PTCHD4: variants seen among roughly 807,000 people sequenced by gnomAD.
The protein encoded by PTCHD4 is patched domain containing 4.
A neutral mutation model predicts 58.1 loss-of-function variants in PTCHD4; 33 were observed. The observed-to-expected ratio is 0.57, with a 90% CI of 0.43 to 0.76. The LOEUF is 0.76. Ranked by LOEUF, PTCHD4 falls within the 30% of genes least tolerant of loss-of-function variation. The pLI is 0.00. For missense variants in PTCHD4, 1,058 were observed against 1,027.1 expected, an observed-to-expected ratio of 1.03 and a Z score of -0.41; for synonymous variants, 478 against 409.6, an observed-to-expected ratio of 1.17 and a Z score of -2.02.
At position 47,878,719 on chromosome 6, in the gene PTCHD4, C is replaced by T. The variant is rs779059101; in HGVS notation, c.2116G>A (p.Asp706Asn). 4 of 1,613,396 alleles carry T rather than the reference C, an allele frequency of 2.5e-6. No homozygotes were observed. The highest frequency in any genetic ancestry group is 3.4e-6 in the Non-Finnish European group (4 of 1,179,734). ...CACAAGATAGAAATGCAATCCATGT[C>T]GACGTTCCATAATGTCATTAAGCCC... ...VLGLMTLWNV[D>N]MDCISILCLI... Residue 706 changes from aspartate to asparagine, a missense_variant, in exon 5 of 5, where the codon GAC becomes AAC. Asp to Asn is a conservative substitution (Grantham distance 23). Coordinates refer to ENST00000339488, the MANE Select transcript of PTCHD4 (RefSeq NM_001384253.1).
chr6:47,952,446 A>G (rs962898981), intron 4 of PTCHD4, among the ~76,000 whole-genome samples: 5 of 152,070 alleles, frequency 3.3e-5, no homozygotes, highest in Admixed American at 2.0e-4. Context: ...CACAAAGTAT[A>G]TACTCAGTGG....
At chr6:47,899,548 G>A (rs1764633016) in intron 4 of PTCHD4, 11 of 978,274 alleles carry the variant, frequency 1.1e-5, no homozygotes, top group African/African-American at 1.8e-5. Flanking sequence ...AACTTTGCAT[G>A]TTATCCTAAT....
chr6:48,084,376 T>C (rs1424479258), intron 1 of PTCHD4, among the ~76,000 whole-genome samples: 2 of 152,230 alleles, frequency 1.3e-5, no homozygotes, highest in African/African-American at 2.4e-5. Context: ...TTTTGAAATA[T>C]GAAAATTCCT....
intron 1 of PTCHD4, among the ~76,000 whole-genome samples, chr6:48,082,176 G>A (rs552273745): frequency 6.6e-6 from 1 of 152,196 alleles, no homozygotes; most frequent in Non-Finnish European, 1.5e-5. Context: ...CTTGGCTTAA[G>A]ATTTTCTTCT....
chr6:48,065,751 T>G (rs558614868), intron 3 of PTCHD4, among the ~76,000 whole-genome samples: 55 of 152,310 alleles, frequency 3.6e-4, no homozygotes, highest in African/African-American at 1.3e-3. Flanking sequence ...AAGCCCAATT[T>G]ACCCAAACAT....
At chr6:47,894,940 T>C (rs1764488663) in intron 4 of PTCHD4, among the ~76,000 whole-genome samples, 3 of 152,164 alleles carry the variant, frequency 2.0e-5, no homozygotes, top group Admixed American at 2.0e-4. Flanking sequence ...AAGTCCACCC[T>C]GGCCAACATG....
chr6:48,102,992 G>A (rs1297168262), intron 1 of PTCHD4, among the ~76,000 whole-genome samples: 2 of 152,198 alleles, frequency 1.3e-5, no homozygotes, highest in Non-Finnish European at 2.9e-5. Context: ...CAGCTCAAAG[G>A]GGCCTGCCTG....
At chr6:48,099,819 A>AT (rs1326767758) in intron 1 of PTCHD4, among the ~76,000 whole-genome samples, 1 of 152,202 alleles carries the variant, frequency 6.6e-6, no homozygotes, top group African/African-American at 2.4e-5. Context: ...TTATGCAGAG[A>AT]TTTAATGAAC....
Position 47,862,630 on chromosome 6 carries a change from T to A in PTCHD4, c.*15673A>T, listed in dbSNP as rs760391361. ...GGACAGAAGGGAAAAATTAGTTCTG[T>A]GTTATTTTAATTGAAATTCATGCTG... On this transcript the variant is annotated 3_prime_UTR_variant, in exon 5 of 5. Coordinates refer to ENST00000339488, the MANE Select transcript of PTCHD4 (RefSeq NM_001384253.1). Among the ~76,000 whole-genome samples, 1 of 151,872 alleles carries A rather than the reference T, an allele frequency of 6.6e-6. No individual in the cohort carries two copies. The highest frequency in any genetic ancestry group is 6.6e-5 in the Admixed American group (1 of 15,216).
intron 3 of PTCHD4, among the ~76,000 whole-genome samples, chr6:48,047,519 T>C (rs1221753577): frequency 1.3e-5 from 2 of 151,842 alleles, no homozygotes; most frequent in African/African-American, 4.8e-5. Context: ...TTCAGCATTG[T>C]AAATTCTCAT....
At position 47,857,948 on chromosome 6, in the gene PTCHD4, T is replaced by C. The variant is rs146779280; in HGVS notation, c.*20355A>G. Among the ~76,000 whole-genome samples the C allele has an allele frequency of 2.0e-4, 30 of 152,136 alleles. No homozygotes were observed. Among genetic ancestry groups the C allele is most frequent in the Middle Eastern group, 6.8e-3 (2 of 294 alleles). Reference sequence around the variant, plus strand: ...ACATATGTACCTTGAAGACTAACAATAACATGTTTAAGGATGTCATTTGTT... The same window carrying C: ...ACATATGTACCTTGAAGACTAACAACAACATGTTTAAGGATGTCATTTGTT... On this transcript the variant is annotated 3_prime_UTR_variant, in exon 5 of 5. Coordinates refer to ENST00000339488, the MANE Select transcript of PTCHD4 (RefSeq NM_001384253.1).
At chr6:47,914,733 TTATC>T (rs1006857372) in intron 4 of PTCHD4, among the ~76,000 whole-genome samples, 3 of 61,720 alleles carry the variant, frequency 4.9e-5, no homozygotes, top group Non-Finnish European at 7.7e-5. Flanking sequence ...TATCTATCTA[TTATC>T]TATCTATTAT....
intron 4 of PTCHD4, among the ~76,000 whole-genome samples, chr6:47,978,296 T>C (rs1767768683): frequency 6.6e-6 from 1 of 152,196 alleles, no homozygotes; most frequent in South Asian, 2.1e-4. Context: ...CTACTCACAG[T>C]TCTTACTCTA....
chr6:48,009,792 C>A (rs569912208), intron 3 of PTCHD4, among the ~76,000 whole-genome samples: 1 of 152,136 alleles, frequency 6.6e-6, no homozygotes, highest in Admixed American at 6.5e-5. Context: ...ATAGGTTGAC[C>A]TTTTCTTATT....
intron 1 of PTCHD4, among the ~76,000 whole-genome samples, chr6:48,072,332 A>T (rs1582112409): frequency 6.6e-6 from 1 of 152,208 alleles, no homozygotes; most frequent in African/African-American, 2.4e-5. Flanking sequence ...TTTGGGCTAT[A>T]ATTTGAAAAT....
At chr6:47,894,895 G>A (rs536677037) in intron 4 of PTCHD4, among the ~76,000 whole-genome samples, 9 of 152,330 alleles carry the variant, frequency 5.9e-5, no homozygotes, top group Non-Finnish European at 1.3e-4. Flanking sequence ...ACTTTGGGAG[G>A]CTGAGGCAGG....
chr6:48,104,549 A>G lies in PTCHD4; in HGVS notation c.-970+6500T>C, dbSNP rs188160406. On this transcript the variant is annotated intron_variant, in intron 1 of 4. Coordinates refer to ENST00000339488, the MANE Select transcript of PTCHD4 (RefSeq NM_001384253.1). ...TAGGAAGAAACTGCACCAACTAATG[A>G]GCAAACTAACCAGCTAACATCATAA... Among the ~76,000 whole-genome samples the G allele has an allele frequency of 4.4e-3, 663 of 152,326 alleles. 2 individuals carry two copies. Among genetic ancestry groups the G allele is most frequent in the Middle Eastern group, 0.01 (3 of 294 alleles).
intron 4 of PTCHD4, among the ~76,000 whole-genome samples, chr6:47,881,360 C>G (rs1197605193): frequency 1.3e-5 from 2 of 152,128 alleles, no homozygotes; most frequent in Non-Finnish European, 2.9e-5. Context: ...TATTATTTCC[C>G]AGCCTAGTTT....
chr6:48,088,797 G>T (rs1043248820), intron 1 of PTCHD4, among the ~76,000 whole-genome samples: 2 of 152,012 alleles, frequency 1.3e-5, no homozygotes, highest in Admixed American at 1.3e-4. Context: ...TAATCCCAGC[G>T]CTCTGGGAGG....
Sources: gnomAD v4.1 joint callset for allele counts (sites outside exome capture counted in the v4.1 genomes callset) on GRCh38, gnomAD v4.1.1 for gene constraint, MANE v1.5 for transcripts, NCBI Gene and HGNC (gene_info 2026-07-23, HGNC 2026-07-21) for gene names.